FAM204A: variants seen among roughly 807,000 people sequenced by gnomAD.
The protein encoded by FAM204A is family with sequence similarity 204 member A, also known as protein FAM204A.
Under a neutral mutation model 35.4 loss-of-function variants are expected in FAM204A, and 16 were observed. The observed-to-expected ratio is 0.45, with a 90% CI of 0.31 to 0.69. FAM204A has a LOEUF of 0.69. Among genes scored for constraint, FAM204A ranks in the 30% least tolerant of loss-of-function variants. FAM204A has a pLI of 0.07. For synonymous variants in FAM204A, 76 were observed against 86.9 expected (o/e 0.88, Z 0.70); for missense variants, 240 against 265.7 (o/e 0.90, Z 0.67).
Position 118,336,544 on chromosome 10 carries a change from C to T in FAM204A, c.-8-121G>A. The T allele has an allele frequency of 1.0e-5, 7 of 677,856 alleles. No homozygotes were observed. The South Asian group carries it at 1.1e-4, about 10-fold the overall frequency. The allele number at this position is 677,856 out of a possible 1,614,324, so 42.0% of individuals were successfully genotyped here. A position where few individuals can be genotyped will look rare whatever the true frequency, so the allele number is the denominator to read the frequency against. On this transcript the variant is annotated intron_variant, in intron 2 of 8. Coordinates refer to ENST00000369183, the MANE Select transcript of FAM204A (RefSeq NM_022063.3). ...ATGGTTTGGGAACAGTCCATCTAAA[C>T]TTTTTTTTTTTAATCTAAAATGGCA... is the stretch of plus-strand genomic sequence containing the variant.
At chr10:118,339,154 A>G (rs1389378353) in intron 2 of FAM204A, among the ~76,000 whole-genome samples, 2 of 152,146 alleles carry the variant, frequency 1.3e-5, no homozygotes, top group Non-Finnish European at 2.9e-5. Flanking sequence ...TGTGACTCTC[A>G]AAAAAACAAA....
chr10:118,337,959 G>A (rs1846414779), intron 2 of FAM204A, among the ~76,000 whole-genome samples: 1 of 152,142 alleles, frequency 6.6e-6, no homozygotes, highest in African/African-American at 2.4e-5. Flanking sequence ...AGCAACTGAT[G>A]CAATCATTTG....
At chr10:118,329,514 A>G (rs544455392) in intron 6 of FAM204A, among the ~76,000 whole-genome samples, 65 of 152,134 alleles carry the variant, frequency 4.3e-4, no homozygotes, top group Non-Finnish European at 6.8e-4. Context: ...GCTCACGTCG[A>G]ATGTTACCTT....
chr10:118,320,743 G>A (rs899469951), intron 7 of FAM204A, among the ~76,000 whole-genome samples: 1 of 151,922 alleles, frequency 6.6e-6, no homozygotes, highest in Admixed American at 6.6e-5. Flanking sequence ...TCAAACATGT[G>A]AAGTGACTGA....
chr10:118,331,248 T>C (rs1221831942), intron 6 of FAM204A, among the ~76,000 whole-genome samples: 1 of 152,172 alleles, frequency 6.6e-6, no homozygotes, highest in African/African-American at 2.4e-5. Context: ...ATTTGACTTA[T>C]CTAGAATGTC....
At chr10:118,331,783 C>T (rs888952603) in intron 6 of FAM204A, among the ~76,000 whole-genome samples, 4 of 150,738 alleles carry the variant, frequency 2.7e-5, no homozygotes, top group African/African-American at 7.3e-5. Flanking sequence ...AGTGGAGGGG[C>T]GGAAGAGGTA....
rs201814430 is a variant in FAM204A at position 118,332,667 on chromosome 10, C to CAA, written c.453+2445_453+2446dup. Among the ~76,000 whole-genome samples, 4 of 150,398 alleles carry CAA rather than the reference C, an allele frequency of 2.7e-5. No individual in the cohort carries two copies. The East Asian group carries it at 7.8e-4, about 29-fold the overall frequency. On this transcript the variant is annotated intron_variant, in intron 6 of 8. Coordinates refer to ENST00000369183, the MANE Select transcript of FAM204A (RefSeq NM_022063.3). ...ACTCTGCTAAAAACAAACAAACAAA[C>CAA]AAACAAAAAAAACCAAGTTCGAAAA...
chr10:118,340,634 C>G (rs1846462083), intron 2 of FAM204A, among the ~76,000 whole-genome samples: 1 of 152,146 alleles, frequency 6.6e-6, no homozygotes, highest in Non-Finnish European at 1.5e-5. Flanking sequence ...TTCAGAGAAA[C>G]TCTGTACACT....
At position 118,308,817 on chromosome 10, in the gene FAM204A, A is replaced by T. The variant is rs1183780484; in HGVS notation, c.*2040T>A. The T allele has an allele frequency of 6.6e-6, 1 of 151,966 alleles. No homozygotes were observed. Among genetic ancestry groups the T allele is most frequent in the African/African-American group, 2.4e-5 (1 of 41,332 alleles). 9.4% of individuals were successfully genotyped at this position (151,966 alleles called of 1,614,324 possible). On this transcript the variant is annotated 3_prime_UTR_variant, in exon 9 of 9. Coordinates refer to ENST00000369183, the MANE Select transcript of FAM204A (RefSeq NM_022063.3). Reference sequence around the variant, plus strand: ...GACCCTACAGGAGGCCACTCTGGCAAGGCTTCAGTATGGGAAGTGCAACAT... The same window carrying T: ...GACCCTACAGGAGGCCACTCTGGCATGGCTTCAGTATGGGAAGTGCAACAT...
rs1846361674 is a variant in FAM204A at position 118,335,242 on chromosome 10, T to C, written c.354-29A>G. ...AAAGAAGATAGTAAGTTTTGTTTTA[T>C]ACAATATATACTGTCTTTACTTTTA... On this transcript the variant is annotated intron_variant, in intron 5 of 8. Transcript: ENST00000369183. The C allele has an allele frequency of 3.8e-6, 6 of 1,588,366 alleles. No individual in the cohort carries two copies. In the East Asian group the frequency reaches 6.7e-5, roughly 18 times the overall value.
At chr10:118,325,886 C>G (rs1303919119) in intron 7 of FAM204A, among the ~76,000 whole-genome samples, 3 of 152,048 alleles carry the variant, frequency 2.0e-5, no homozygotes, top group Non-Finnish European at 4.4e-5. Context: ...CTGAAACAAA[C>G]CTCTCTGATC....
At position 118,308,386 on chromosome 10, in the gene FAM204A, T is replaced by C. The variant is rs1056897570; in HGVS notation, c.*2471A>G. 3.3e-5 allele frequency: 5 copies of C among 152,216 alleles called. No homozygotes were observed. The highest frequency in any genetic ancestry group is 7.3e-5 in the Non-Finnish European group (5 of 68,044). The allele number at this position is 152,216 out of a possible 1,614,324, so 9.4% of individuals were successfully genotyped here. A position where few individuals can be genotyped will look rare whatever the true frequency, so the allele number is the denominator to read the frequency against. ...GACTAGAATGGAGTGGACAAATGAC[T>C]ACATCCTTTGAGCAGCATGCGTACT... is the stretch of plus-strand genomic sequence containing the variant. On this transcript the variant is annotated 3_prime_UTR_variant, in exon 9 of 9. Coordinates refer to ENST00000369183, the MANE Select transcript of FAM204A (RefSeq NM_022063.3).
At chr10:118,334,758 T>C (rs1207303402) in intron 6 of FAM204A, among the ~76,000 whole-genome samples, 1 of 152,222 alleles carries the variant, frequency 6.6e-6, no homozygotes, top group East Asian at 1.9e-4. Context: ...GTTACTGGAA[T>C]GTCCCAGGAC....
intron 6 of FAM204A, among the ~76,000 whole-genome samples, chr10:118,334,279 T>A (rs997844188): frequency 6.6e-6 from 1 of 152,096 alleles, no homozygotes; most frequent in African/African-American, 2.4e-5. Flanking sequence ...AACATCACTA[T>A]CCACACCACT....
chr10:118,316,300 T>C (rs1009407422), intron 7 of FAM204A, among the ~76,000 whole-genome samples: 2 of 152,128 alleles, frequency 1.3e-5, no homozygotes, highest in African/African-American at 4.8e-5. Context: ...ACAAAGAATA[T>C]AATGTGACCA....
rs1845867940 is a variant in FAM204A at position 118,306,544 on chromosome 10, C to T, written c.*4313G>A. 1 of 152,200 alleles carries T rather than the reference C, an allele frequency of 6.6e-6. No individual in the cohort carries two copies. The allele number at this position is 152,200 out of a possible 1,614,324, so 9.4% of individuals were successfully genotyped here. A position where few individuals can be genotyped will look rare whatever the true frequency, so the allele number is the denominator to read the frequency against. On this transcript the variant is annotated 3_prime_UTR_variant, in exon 9 of 9. Transcript: ENST00000369183. ...GCACATCTAAAAACATAGCATTCTG[C>T]ATGGCATTTAATAAACTATCTCCCA...
intron 6 of FAM204A, among the ~76,000 whole-genome samples, chr10:118,331,632 T>C (rs1366366826): frequency 6.6e-6 from 1 of 152,102 alleles, no homozygotes; most frequent in Non-Finnish European, 1.5e-5. Flanking sequence ...TATATTTATA[T>C]GAAAATTCTG....
intron 7 of FAM204A, 95 bp from the exon 8 acceptor site, chr10:118,311,408 G>A (rs902620160): frequency 3.2e-6 from 3 of 951,438 alleles, no homozygotes; most frequent in Non-Finnish European, 4.8e-6. Context: ...TTGTGGGTAA[G>A]AAAGCCATGT....
rs1656434459 is a variant in FAM204A, at chr10:118,299,391, G to GTGTTTT, written c.*11465_*11466insAAAACA. 1.1e-5 allele frequency: 1 copy of GTGTTTT among 90,276 alleles called. No homozygotes were observed. Among genetic ancestry groups the GTGTTTT allele is most frequent in the South Asian group, 4.5e-4 (1 of 2,242 alleles). The allele number at this position is 90,276 out of a possible 1,614,324, so 5.6% of individuals were successfully genotyped here. On this transcript the variant is annotated 3_prime_UTR_variant, in exon 9 of 9. Coordinates refer to ENST00000369183, the MANE Select transcript of FAM204A (RefSeq NM_022063.3). ...ACCTCCTCCTTTCTGCTTCCAGAAG[G>GTGTTTT]TTTTTTTTTTTTTTTTTTTTTTGAG... is the stretch of plus-strand genomic sequence containing the variant.
Sources: gnomAD v4.1 joint callset for allele counts (sites outside exome capture counted in the v4.1 genomes callset) on GRCh38, gnomAD v4.1.1 for gene constraint, MANE v1.5 for transcripts, NCBI Gene and HGNC (gene_info 2026-07-23, HGNC 2026-07-21) for gene names.